ZCWPW2: variants seen among roughly 807,000 people sequenced by gnomAD.
The protein encoded by ZCWPW2 is zinc finger CW-type PWWP domain protein 2.
Under a neutral mutation model 46.6 loss-of-function variants are expected in ZCWPW2, and 45 were observed. The observed-to-expected ratio is 0.96, with a 90% CI of 0.76 to 1.24. ZCWPW2 has a LOEUF of 1.24. ZCWPW2 is among the 50% of genes most tolerant of loss of function. ZCWPW2 has a pLI of 0.00. For missense variants in ZCWPW2, 429 were observed against 403.9 expected (o/e 1.06, Z -0.53); for synonymous variants, 152 against 137.1 (o/e 1.11, Z -0.76).
At chr3:28,413,032 A>G (rs1696464792) in intron 2 of ZCWPW2, 24 bp from the exon 3 acceptor site, 2 of 1,552,348 alleles carry the variant, frequency 1.3e-6, no homozygotes, top group Non-Finnish European at 1.7e-6. Context: ...TCATTCTGTT[A>G]TTTTCCTCTT....
At chr3:28,406,133 T>A (rs1055072654) in intron 2 of ZCWPW2, among the ~76,000 whole-genome samples, 1 of 152,170 alleles carries the variant, frequency 6.6e-6, no homozygotes, top group Non-Finnish European at 1.5e-5. Flanking sequence ...CTGCTAATAG[T>A]AAAGTATAAG....
chr3:28,461,035 T>A (rs1315027007), intron 4 of ZCWPW2: 2 of 252,206 alleles, frequency 7.9e-6, no homozygotes, highest in Non-Finnish European at 1.8e-5. Flanking sequence ...AAAGTAATGA[T>A]CAATATTTGA....
At chr3:28,493,153 T>C (rs1413895983) in intron 6 of ZCWPW2, among the ~76,000 whole-genome samples, 1 of 144,604 alleles carries the variant, frequency 6.9e-6, no homozygotes, top group Non-Finnish European at 1.5e-5. Flanking sequence ...TTTTAATGTT[T>C]TTTTTTTTAT....
intron 5 of ZCWPW2, among the ~76,000 whole-genome samples, chr3:28,480,860 T>C (rs1028936764): frequency 7.6e-5 from 10 of 130,794 alleles, no homozygotes; most frequent in African/African-American, 2.7e-4. Context: ...TCCTCATTTT[T>C]TTTCTTTTTT....
rs575222962 is a variant in ZCWPW2 at position 28,375,750 on chromosome 3, T to TTTTG, written c.-133-14747_-133-14746insTTGT. Among the ~76,000 whole-genome samples, 369 of 151,818 alleles carry TTTTG rather than the reference T, an allele frequency of 2.4e-3. 1 individual carries two copies. The highest frequency in any genetic ancestry group is 8.1e-3 in the African/African-American group (336 of 41,444). Reference sequence around the variant, plus strand: ...TATTCATTCTTTCTATTTTTTTTTTTTGTGCTCATTAACTGTCCACACTTC... The same window carrying TTTTG: ...TATTCATTCTTTCTATTTTTTTTTTTTTTGTGTGCTCATTAACTGTCCACACTTC... On this transcript the variant is annotated intron_variant, in intron 1 of 9. Transcript: ENST00000383768.
At chr3:28,406,422 C>T (rs1228251441) in intron 2 of ZCWPW2, among the ~76,000 whole-genome samples, 2 of 152,146 alleles carry the variant, frequency 1.3e-5, no homozygotes, top group Non-Finnish European at 2.9e-5. Context: ...CCAGTCATAG[C>T]ATGAGAAAAC....
rs187436349 is a variant in ZCWPW2, at chr3:28,459,949, A to G, written c.493-18865A>G. Among the ~76,000 whole-genome samples the G allele has an allele frequency of 2.5e-3, 374 of 152,270 alleles. 1 individual carries two copies. Among genetic ancestry groups the G allele is most frequent in the African/African-American group, 8.2e-3 (341 of 41,546 alleles). On this transcript the variant is annotated intron_variant, in intron 4 of 9. Coordinates refer to ENST00000383768, the MANE Select transcript of ZCWPW2 (RefSeq NM_001040432.4). The stretch of plus-strand genomic sequence containing the variant: ...ATATGTTAAAGTCTAGGTGAATACA[A>G]AGCTTAATCTAGTACCTTGTGATTT...
chr3:28,442,101 TCTGGAC>T (rs1239827171), intron 4 of ZCWPW2, among the ~76,000 whole-genome samples: 1 of 152,200 alleles, frequency 6.6e-6, no homozygotes, highest in Non-Finnish European at 1.5e-5. Flanking sequence ...CTTCTCCTGT[TCTGGAC>T]CACACTCAAA....
At chr3:28,453,263 T>C (rs1228486129) in intron 4 of ZCWPW2, among the ~76,000 whole-genome samples, 1 of 152,250 alleles carries the variant, frequency 6.6e-6, no homozygotes, top group East Asian at 1.9e-4. Flanking sequence ...CATTTATATA[T>C]GCTGACTTCG....
chr3:28,358,271 AT>A (rs1269545429), intron 1 of ZCWPW2, among the ~76,000 whole-genome samples: 4 of 152,042 alleles, frequency 2.6e-5, no homozygotes, highest in African/African-American at 9.7e-5. Context: ...ACTCCTTAAC[AT>A]TTTTTAAAAG....
chr3:28,381,066 A>ATTTGG (rs1168122356), intron 1 of ZCWPW2, among the ~76,000 whole-genome samples: 1 of 125,000 alleles, frequency 8.0e-6, no homozygotes, highest in Non-Finnish European at 1.7e-5. Context: ...ATATATATAT[A>ATTTGG]TATATATATA....
At chr3:28,370,690 A>G (rs1182176117) in intron 1 of ZCWPW2, among the ~76,000 whole-genome samples, 1 of 152,206 alleles carries the variant, frequency 6.6e-6, no homozygotes, top group Admixed American at 6.5e-5. Flanking sequence ...CCATGCAGTT[A>G]TAATTCATGA....
chr3:28,440,197 G>C (rs890271111), intron 4 of ZCWPW2, among the ~76,000 whole-genome samples: 2 of 152,122 alleles, frequency 1.3e-5, no homozygotes, highest in African/African-American at 4.8e-5. Context: ...GATAGCCCAG[G>C]TCAGTCACCC....
At chr3:28,379,741 A>T (rs532527451) in intron 1 of ZCWPW2, among the ~76,000 whole-genome samples, 1 of 152,096 alleles carries the variant, frequency 6.6e-6, no homozygotes, top group Non-Finnish European at 1.5e-5. Context: ...ATTATATCTC[A>T]CAATAAAGTT....
In ZCWPW2 at chr3:28,521,071, T is replaced by C. The variant is rs1350061867; in HGVS notation, c.864T>C (p.Asp288=). 1.2e-6 allele frequency: 2 copies of C among 1,610,508 alleles called. No homozygotes were observed. Among genetic ancestry groups the C allele is most frequent in the East Asian group, 2.2e-5 (1 of 44,704 alleles). The change falls in exon 9 of 10, where the codon GAT becomes GAC. Residue 288 remains aspartate (D), a synonymous_variant. Transcript: ENST00000383768. The part of the protein sequence containing the change: ...QQALQPTATP[D]ESEEGHGEEI... The stretch of plus-strand genomic sequence containing the variant: ...CACTGCAACCCACAGCCACACCTGA[T>C]GAATCAGAAGAAGGACATGGAGAGG...
rs1700715303 is a variant in ZCWPW2, at chr3:28,521,205, T to TA, written c.909+95dup. 2.9e-6 allele frequency: 4 copies of TA among 1,387,644 alleles called. No homozygotes were observed. In the Admixed American group the frequency reaches 9.8e-5, roughly 34 times the overall value. The allele number at this position is 1,387,644 out of a possible 1,614,324, so 86.0% of individuals were successfully genotyped here. ...TTCCTAGTTGTACATTTTAAATATA[T>TA]AAAAAACTCTTTTCATGTCTGAAAT... On this transcript the variant is annotated intron_variant, in intron 9 of 9. Transcript: ENST00000383768.
intron 6 of ZCWPW2, among the ~76,000 whole-genome samples, chr3:28,500,490 C>T (rs1203814243): frequency 4.6e-5 from 7 of 152,000 alleles, no homozygotes; most frequent in Non-Finnish European, 1.0e-4. Flanking sequence ...TTTTCCCTAA[C>T]ACTTATTAAT....
intron 1 of ZCWPW2, among the ~76,000 whole-genome samples, chr3:28,377,783 T>C (rs1394057601): frequency 1.3e-5 from 2 of 152,096 alleles, no homozygotes; most frequent in African/African-American, 4.8e-5. Context: ...CTTACAAGTC[T>C]TAATATGCTG....
intron 4 of ZCWPW2, among the ~76,000 whole-genome samples, chr3:28,472,919 A>G (rs112295032): frequency 0.025 from 3,880 of 152,260 alleles, 61 homozygotes; most frequent in Non-Finnish European, 0.037. Flanking sequence ...AAATGGGCAA[A>G]CGATTTGAAT....
Sources: gnomAD v4.1 joint callset for allele counts (sites outside exome capture counted in the v4.1 genomes callset) on GRCh38, gnomAD v4.1.1 for gene constraint, MANE v1.5 for transcripts, NCBI Gene and HGNC (gene_info 2026-07-23, HGNC 2026-07-21) for gene names.